The following BRIP1 variants were observed in gnomAD, a reference collection of about 807,000 sequenced individuals.
The protein encoded by BRIP1 is BRCA1 interacting DNA helicase 1, also known as Fanconi anemia group J protein.
BRIP1 carries 88 observed loss-of-function variants against 119.7 expected under a neutral mutation model. That is an observed-to-expected ratio of 0.74 (90% CI 0.62 to 0.88). The LOEUF is 0.88. BRIP1 is among the 40% of genes least tolerant of loss of function. BRIP1 has a pLI of 0.00. For missense variants in BRIP1, 1,259 were observed against 1,455.4 expected (o/e 0.87, Z 2.20); for synonymous variants, 443 against 496.5 (o/e 0.89, Z 1.43).
At chr17:61,719,176 G>C (rs1567758449) in intron 16 of BRIP1, among the ~76,000 whole-genome samples, 1 of 141,298 alleles carries the variant, frequency 7.1e-6, no homozygotes, top group African/African-American at 2.6e-5. Context: ...AAGAGACATT[G>C]CCCCCCCCCC....
In BRIP1 at chr17:61,795,560, C is replaced by T. The variant is rs1348644795; in HGVS notation, c.1341-1831G>A. On this transcript the variant is annotated intron_variant, in intron 9 of 19. Transcript: ENST00000259008. The surrounding 1 kb of genome is among the most constrained non-coding windows in gnomAD (Gnocchi z 5.6). ...TAACATAGTGACTTCCAATTTTATC[C>T]ATTTTGTTGCAAATGACAGGATCTC... Among the ~76,000 whole-genome samples, 1 of 152,000 alleles carries T rather than the reference C, an allele frequency of 6.6e-6. No individual in the cohort carries two copies. Among genetic ancestry groups the T allele is most frequent in the Non-Finnish European group, 1.5e-5 (1 of 67,956 alleles).
intron 10 of BRIP1, among the ~76,000 whole-genome samples, chr17:61,791,142 ATT>A (rs1038869681): frequency 6.6e-6 from 1 of 151,902 alleles, no homozygotes; most frequent in East Asian, 1.9e-4. Context: ...TATTTTCATC[ATT>A]TTTTTTGTTC....
rs748017201 is a variant in BRIP1, at chr17:61,810,928, A to T, written c.628-2171T>A. Among the ~76,000 whole-genome samples the T allele has an allele frequency of 1.1e-4, 17 of 152,170 alleles. No homozygotes were observed. Among genetic ancestry groups the T allele is most frequent in the Non-Finnish European group, 1.9e-4 (13 of 68,016 alleles). On this transcript the variant is annotated intron_variant, in intron 6 of 19. Transcript: ENST00000259008. This position sits in a 1 kb window ranked among gnomAD's most constrained non-coding sequence, Gnocchi z 4.7. Reference sequence around the variant, plus strand: ...AGTTTTTAATTTTTAAAAGGGGTGAATTTGGCACAAATAATTTAATGTTCT... The same window carrying T: ...AGTTTTTAATTTTTAAAAGGGGTGATTTTGGCACAAATAATTTAATGTTCT...
rs1238698261 is a variant in BRIP1, at chr17:61,743,327, A to G, written c.2258-193T>C. On this transcript the variant is annotated intron_variant, in intron 15 of 19. Coordinates refer to ENST00000259008, the MANE Select transcript of BRIP1 (RefSeq NM_032043.3). The surrounding 1 kb of genome is among the most constrained non-coding windows in gnomAD (Gnocchi z 4.3). ...ATAAGGGGAACAAAATTACATTTAT[A>G]TGCAAAAGGGTAGCAAACCAATTTA... 6.6e-6 allele frequency among the ~76,000 whole-genome samples: 1 copy of G among 152,226 alleles called. No homozygotes were observed. Among genetic ancestry groups the G allele is most frequent in the Non-Finnish European group, 1.5e-5 (1 of 68,026 alleles).
chr17:61,821,385 TG>T (rs957705501), intron 6 of BRIP1, among the ~76,000 whole-genome samples: 8 of 152,114 alleles, frequency 5.3e-5, no homozygotes, highest in African/African-American at 1.9e-4. Flanking sequence ...TTTTGTTACT[TG>T]GGGGTGGAGA....
In BRIP1 at chr17:61,862,266, A is replaced by G. The variant is rs1488574652; in HGVS notation, c.-30-697T>C. Among the ~76,000 whole-genome samples the G allele has an allele frequency of 6.6e-6, 1 of 152,230 alleles. No individual in the cohort carries two copies. Among genetic ancestry groups the G allele is most frequent in the African/African-American group, 2.4e-5 (1 of 41,452 alleles). On this transcript the variant is annotated intron_variant, in intron 1 of 19. Coordinates refer to ENST00000259008, the MANE Select transcript of BRIP1 (RefSeq NM_032043.3). The surrounding 1 kb of genome is among the most constrained non-coding windows in gnomAD (Gnocchi z 5.3). The stretch of plus-strand genomic sequence containing the variant: ...GAAAGAGAATGCCTTGGCACATAGT[A>G]GGCACTCAAAAATGTTATTTGAAGA...
In BRIP1 at chr17:61,689,585, A is replaced by C. The variant is rs988218148; in HGVS notation, c.2576-3420T>G. 1.3e-5 allele frequency among the ~76,000 whole-genome samples: 2 copies of C among 152,210 alleles called. No individual in the cohort carries two copies. On this transcript the variant is annotated intron_variant, in intron 18 of 19. Coordinates refer to ENST00000259008, the MANE Select transcript of BRIP1 (RefSeq NM_032043.3). This position sits in a 1 kb window ranked among gnomAD's most constrained non-coding sequence, Gnocchi z 4.5. ...CATCCAAATACATGAAGCCCAGTGA[A>C]CCTGAACAGGATGAACCCAAAAGTC...
At chr17:61,783,625 T>C (rs970989350) in intron 11 of BRIP1, among the ~76,000 whole-genome samples, 1 of 151,854 alleles carries the variant, frequency 6.6e-6, no homozygotes, top group Non-Finnish European at 1.5e-5. Context: ...AGTTACAGGA[T>C]GAGAGGGATT....
In BRIP1 at chr17:61,857,578, G is replaced by C. The variant is rs2078915918; in HGVS notation, c.206-347C>G. 6.6e-6 allele frequency among the ~76,000 whole-genome samples: 1 copy of C among 152,198 alleles called. No homozygotes were observed. Among genetic ancestry groups the C allele is most frequent in the Admixed American group, 6.5e-5 (1 of 15,284 alleles). ...GTCTCTACTAAAAATACAAAAATTAGCCAGGCGTGGTAGTGCACGCCTGTA... is the reference window on the plus strand; with the variant it reads ...GTCTCTACTAAAAATACAAAAATTACCCAGGCGTGGTAGTGCACGCCTGTA... On this transcript the variant is annotated intron_variant, in intron 3 of 19. Coordinates refer to ENST00000259008, the MANE Select transcript of BRIP1 (RefSeq NM_032043.3). This position sits in a 1 kb window ranked among gnomAD's most constrained non-coding sequence, Gnocchi z 5.1.
At chr17:61,692,673 G>A (rs2061465531) in intron 18 of BRIP1, among the ~76,000 whole-genome samples, 1 of 152,132 alleles carries the variant, frequency 6.6e-6, no homozygotes, top group African/African-American at 2.4e-5. Context: ...CATTATACCT[G>A]CTAGGAGAGC....
At position 61,776,521 on chromosome 17, in the gene BRIP1, A is replaced by T; in HGVS notation, c.1977T>A (p.Asn659Lys). ...GTIGSGPKGR[N>K]LCATFQNTET... Reference sequence around the variant, plus strand: ...CAGTATTCTGGAAGGTAGCACAGAGATTCCGACCCTTGGGGCCTGACCCAA... The same window carrying T: ...CAGTATTCTGGAAGGTAGCACAGAGTTTCCGACCCTTGGGGCCTGACCCAA... Residue 659 changes from asparagine (N) to lysine (K), a missense_variant, in exon 14 of 20, where the codon AAT becomes AAA. Coordinates refer to ENST00000259008, the MANE Select transcript of BRIP1 (RefSeq NM_032043.3). The surrounding 1 kb of genome is among the most constrained non-coding windows in gnomAD (Gnocchi z 5.0). 1 of 1,614,194 alleles carries T rather than the reference A, an allele frequency of 6.2e-7. No homozygotes were observed. The highest frequency in any genetic ancestry group is 2.2e-5 in the East Asian group (1 of 44,878).
At position 61,700,052 on chromosome 17, in the gene BRIP1, C is replaced by T. The variant is rs1156680448; in HGVS notation, c.2493-6540G>A. The stretch of plus-strand genomic sequence containing the variant: ...TCTCTTTGCTGACTGTGCTTGGTGT[C>T]GTTTCACTGTAATAAATCCTAGCCA... On this transcript the variant is annotated intron_variant, in intron 17 of 19. Coordinates refer to ENST00000259008, the MANE Select transcript of BRIP1 (RefSeq NM_032043.3). This position sits in a 1 kb window ranked among gnomAD's most constrained non-coding sequence, Gnocchi z 4.1. Among the ~76,000 whole-genome samples, 7 of 152,094 alleles carry T rather than the reference C, an allele frequency of 4.6e-5. No individual in the cohort carries two copies. The highest frequency in any genetic ancestry group is 9.7e-5 in the African/African-American group (4 of 41,420).
chr17:61,711,823 G>A (rs1213859286), intron 17 of BRIP1, among the ~76,000 whole-genome samples: 1 of 151,570 alleles, frequency 6.6e-6, no homozygotes, highest in African/African-American at 2.4e-5. Context: ...AACTGAGATC[G>A]CACCACTGCT....
At position 61,697,336 on chromosome 17, in the gene BRIP1, C is replaced by CAAA. The variant is rs55963888; in HGVS notation, c.2493-3827_2493-3825dup. Among the ~76,000 whole-genome samples, 506 of 59,170 alleles carry CAAA rather than the reference C, an allele frequency of 8.6e-3. 81 individuals carry two copies. Among genetic ancestry groups the CAAA allele is most frequent in the Middle Eastern group, 0.02 (1 of 50 alleles). 38.8% of individuals were successfully genotyped at this position (59,170 alleles called of 152,430 possible). ...CAGGCAACAGTGTGAGACTCTGTCT[C>CAAA]AAAAAAAAAAAAAAAAAAAAAAAAA... On this transcript the variant is annotated intron_variant, in intron 17 of 19. Transcript: ENST00000259008.
Position 61,721,129 on chromosome 17 carries a change from A to G in BRIP1, c.2380-5066T>C, listed in dbSNP as rs567502419. Among the ~76,000 whole-genome samples, 7 of 152,306 alleles carry G rather than the reference A, an allele frequency of 4.6e-5. No homozygotes were observed. In the East Asian group the frequency reaches 1.2e-3, roughly 25 times the overall value. On this transcript the variant is annotated intron_variant, in intron 16 of 19. Transcript: ENST00000259008. ...AATGCTGGGATTACAGGCGTGAGCC[A>G]CTGTGCCCAGCCACTATTAACCTTT... is the stretch of plus-strand genomic sequence containing the variant.
At position 61,796,906 on chromosome 17, in the gene BRIP1, G is replaced by C. The variant is rs942231812; in HGVS notation, c.1340+2194C>G. Among the ~76,000 whole-genome samples the C allele has an allele frequency of 6.6e-6, 1 of 151,928 alleles. No homozygotes were observed. Among genetic ancestry groups the C allele is most frequent in the Admixed American group, 6.6e-5 (1 of 15,210 alleles). On this transcript the variant is annotated intron_variant, in intron 9 of 19. Transcript: ENST00000259008. The surrounding 1 kb of genome is among the most constrained non-coding windows in gnomAD (Gnocchi z 4.8). ...TAAGACTTACTCATTAATTGGATGA[G>C]GTGAGGCAGTAAGGATATTATTAAG... is the stretch of plus-strand genomic sequence containing the variant.
Position 61,761,360 on chromosome 17 carries a change from T to A in BRIP1, c.2097+15041A>T, listed in dbSNP as rs1377089182. Among the ~76,000 whole-genome samples, 1 of 152,004 alleles carries A rather than the reference T, an allele frequency of 6.6e-6. No homozygotes were observed. The highest frequency in any genetic ancestry group is 2.4e-5 in the African/African-American group (1 of 41,430). ...TCTAAGATCTGGAACAAGACAAGGA[T>A]GCCCACTTTCACTATGTCCACTTAA... On this transcript the variant is annotated intron_variant, in intron 14 of 19. Transcript: ENST00000259008. The surrounding 1 kb of genome is among the most constrained non-coding windows in gnomAD (Gnocchi z 6.4).
chr17:61,720,120 G>A lies in BRIP1; in HGVS notation c.2380-4057C>T, dbSNP rs1381956144. On this transcript the variant is annotated intron_variant, in intron 16 of 19. Coordinates refer to ENST00000259008, the MANE Select transcript of BRIP1 (RefSeq NM_032043.3). This position sits in a 1 kb window ranked among gnomAD's most constrained non-coding sequence, Gnocchi z 4.3. ...CAAAGTGCTAGGAATACAGGCATGA[G>A]CCACTGCGTCTGGCTGAGATTTGTT... Among the ~76,000 whole-genome samples the A allele has an allele frequency of 2.0e-5, 3 of 152,126 alleles. No individual in the cohort carries two copies. The highest frequency in any genetic ancestry group is 4.8e-5 in the African/African-American group (2 of 41,434).
At position 61,736,691 on chromosome 17, in the gene BRIP1, T is replaced by C. The variant is rs575963806; in HGVS notation, c.2379+6322A>G. ...CTTCTACTAAAACCCCATTCAATCA[T>C]TAACTAAAACATTTATTAAACACTG... On this transcript the variant is annotated intron_variant, in intron 16 of 19. Transcript: ENST00000259008. The surrounding 1 kb of genome is among the most constrained non-coding windows in gnomAD (Gnocchi z 4.4). Among the ~76,000 whole-genome samples the C allele has an allele frequency of 2.0e-5, 3 of 152,318 alleles. No homozygotes were observed. The highest frequency in any genetic ancestry group is 1.9e-4 in the East Asian group (1 of 5,188).
Sources: gnomAD v4.1 joint callset for allele counts (sites outside exome capture counted in the v4.1 genomes callset) on GRCh38, gnomAD v4.1.1 for gene constraint, Gnocchi (gnomAD v3.1) non-coding constraint, MANE v1.5 for transcripts, NCBI Gene and HGNC (gene_info 2026-07-23, HGNC 2026-07-21) for gene names.